The following FCHSD2 variants were observed in gnomAD, a reference collection of about 807,000 sequenced individuals.
The protein encoded by FCHSD2 is F-BAR and double SH3 domains protein 2.
Under a neutral mutation model 108.1 loss-of-function variants are expected in FCHSD2, and 38 were observed. That is an observed-to-expected ratio of 0.35 (90% CI 0.27 to 0.46). The LOEUF is 0.46. Among genes scored for constraint, FCHSD2 ranks in the 20% least tolerant of loss-of-function variants. The pLI, the probability that FCHSD2 is intolerant of heterozygous loss-of-function variation, is 1.00. For missense variants in FCHSD2, 751 were observed against 897.8 expected (o/e 0.84, Z 2.09); for synonymous variants, 279 against 314.7 (o/e 0.89, Z 1.20).
intron 10 of FCHSD2, among the ~76,000 whole-genome samples, chr11:72,891,694 T>C (rs889179542): frequency 5.9e-5 from 9 of 152,236 alleles, no homozygotes; most frequent in Admixed American, 3.9e-4. Context: ...TTGAGTCAGA[T>C]AGACTTAGTT....
chr11:72,889,565 T>C (rs898276601), intron 11 of FCHSD2, among the ~76,000 whole-genome samples: 5 of 152,104 alleles, frequency 3.3e-5, no homozygotes, highest in Non-Finnish European at 1.5e-5. Context: ...TAAAAAAATT[T>C]AGCCAGGCAT....
intron 17 of FCHSD2, 94 bp from the exon 18 acceptor site, chr11:72,841,677 T>TA: frequency 1.5e-6 from 2 of 1,298,446 alleles, no homozygotes; most frequent in Non-Finnish European, 2.1e-6. Flanking sequence ...GCCTTTTCTC[T>TA]AAAGCTAAGC....
intron 2 of FCHSD2, among the ~76,000 whole-genome samples, chr11:73,137,037 CA>C (rs984481670): frequency 6.6e-6 from 1 of 151,810 alleles, no homozygotes; most frequent in African/African-American, 2.4e-5. Flanking sequence ...CAAAAACAAA[CA>C]AAAAAACATC....
intron 2 of FCHSD2, among the ~76,000 whole-genome samples, chr11:73,087,487 C>T (rs1035139305): frequency 2.0e-5 from 3 of 152,072 alleles, no homozygotes; most frequent in Admixed American, 6.6e-5. Context: ...AGGTGGATCA[C>T]TTGAGGTCAG....
rs752258598 is a variant in FCHSD2 at position 73,094,079 on chromosome 11, C to T, written c.120-10339G>A. ...TACAAAACTTAGCCAGGTGTGGTGGCGCACATCTGTAATCCCAGCTACCCG... is the reference window on the plus strand; with the variant it reads ...TACAAAACTTAGCCAGGTGTGGTGGTGCACATCTGTAATCCCAGCTACCCG... On this transcript the variant is annotated intron_variant, in intron 2 of 19. Coordinates refer to ENST00000409418, the MANE Select transcript of FCHSD2 (RefSeq NM_014824.3). Among the ~76,000 whole-genome samples the T allele has an allele frequency of 5.3e-5, 8 of 152,126 alleles. No individual in the cohort carries two copies. The South Asian group carries it at 1.0e-3, about 20-fold the overall frequency.
chr11:73,028,567 G>GC (rs1270554847), intron 3 of FCHSD2, among the ~76,000 whole-genome samples: 1 of 152,146 alleles, frequency 6.6e-6, no homozygotes, highest in Non-Finnish European at 1.5e-5. Context: ...GATAATGTTG[G>GC]CATGAGTTAA....
chr11:73,073,395 A>G (rs930329646), intron 3 of FCHSD2, among the ~76,000 whole-genome samples: 2 of 152,242 alleles, frequency 1.3e-5, no homozygotes, highest in Admixed American at 6.5e-5. Context: ...GCAACTTGAA[A>G]AAGTTCACTG....
At chr11:73,025,189 A>T (rs1382809518) in intron 3 of FCHSD2, among the ~76,000 whole-genome samples, 1 of 152,182 alleles carries the variant, frequency 6.6e-6, no homozygotes, top group Non-Finnish European at 1.5e-5. Flanking sequence ...ACATGCACAC[A>T]TATGTTCACT....
At chr11:73,065,250 CA>C (rs1334614148) in intron 3 of FCHSD2, among the ~76,000 whole-genome samples, 2 of 152,022 alleles carry the variant, frequency 1.3e-5, no homozygotes, top group East Asian at 1.9e-4. Context: ...GAATCAATCA[CA>C]AAAAAACACG....
At chr11:73,092,489 A>G (rs1355961767) in intron 2 of FCHSD2, among the ~76,000 whole-genome samples, 1 of 152,062 alleles carries the variant, frequency 6.6e-6, no homozygotes, top group Non-Finnish European at 1.5e-5. Flanking sequence ...CTGTCTATGA[A>G]TTGACTATGG....
intron 19 of FCHSD2, 56 bp downstream of exon 19, chr11:72,840,821 T>C: frequency 7.8e-7 from 1 of 1,285,326 alleles, no homozygotes; most frequent in Non-Finnish European, 1.1e-6. Flanking sequence ...ATTAATTCCT[T>C]ACTTTCAATT....
At chr11:73,014,328 T>C (rs1396867192) in intron 4 of FCHSD2, among the ~76,000 whole-genome samples, 1 of 151,834 alleles carries the variant, frequency 6.6e-6, no homozygotes, top group African/African-American at 2.4e-5. Flanking sequence ...GGAGTATCAC[T>C]ATACTGCCCA....
intron 2 of FCHSD2, among the ~76,000 whole-genome samples, chr11:73,126,396 A>C (rs2135566018): frequency 6.7e-6 from 1 of 149,918 alleles, no homozygotes; most frequent in African/African-American, 2.4e-5. Context: ...AGAAAGGAAT[A>C]CAGTAGTACA....
chr11:73,005,175 A>G (rs185868512), intron 4 of FCHSD2, among the ~76,000 whole-genome samples: 14 of 152,138 alleles, frequency 9.2e-5, no homozygotes, highest in African/African-American at 3.1e-4. Context: ...TCTCCATCAA[A>G]CCTCCATTTC....
At chr11:72,845,457 AAAAACAAC>A (rs1387005147) in intron 14 of FCHSD2, among the ~76,000 whole-genome samples, 12 of 60,218 alleles carry the variant, frequency 2.0e-4, no homozygotes, top group African/African-American at 5.5e-4. Context: ...AAAAAAAAAA[AAAAACAAC>A]AACAAACAAA....
chr11:73,025,276 G>C (rs547414706), intron 3 of FCHSD2, among the ~76,000 whole-genome samples: 9 of 151,510 alleles, frequency 5.9e-5, no homozygotes, highest in Admixed American at 5.9e-4. Context: ...AAGAAAATGT[G>C]GTATATATAT....
intron 8 of FCHSD2, among the ~76,000 whole-genome samples, chr11:72,949,087 C>T (rs1856575018): frequency 1.3e-5 from 2 of 152,306 alleles, no homozygotes; most frequent in South Asian, 2.1e-4. Flanking sequence ...AATGCAGTGG[C>T]TTTTAGTATA....
chr11:72,938,184 T>C (rs1257563273), intron 8 of FCHSD2, among the ~76,000 whole-genome samples: 1 of 150,142 alleles, frequency 6.7e-6, no homozygotes, highest in African/African-American at 2.5e-5. Flanking sequence ...GAGTTTTTTT[T>C]TTTTTTTTTT....
At position 72,838,891 on chromosome 11, in the gene FCHSD2, T is replaced by C. The variant is rs755539344; in HGVS notation, c.2140-17A>G. On this transcript the variant is annotated splice_polypyrimidine_tract_variant and intron_variant, in intron 19 of 19. Transcript: ENST00000409418. ...TGCCCGGACCTGAGCAGGAAACAATTACGTAGTTTGTCAGTCAGTTCCTGA... is the reference window on the plus strand; with the variant it reads ...TGCCCGGACCTGAGCAGGAAACAATCACGTAGTTTGTCAGTCAGTTCCTGA... 1.9e-5 allele frequency: 31 copies of C among 1,597,168 alleles called. No individual in the cohort carries two copies. The highest frequency in any genetic ancestry group is 2.4e-5 in the Non-Finnish European group (28 of 1,171,946).
Sources: gnomAD v4.1 joint callset for allele counts (sites outside exome capture counted in the v4.1 genomes callset) on GRCh38, gnomAD v4.1.1 for gene constraint, MANE v1.5 for transcripts, NCBI Gene and HGNC (gene_info 2026-07-23, HGNC 2026-07-21) for gene names.